Variants in FBXO8 observed in about 807,000 individuals in gnomAD.
The protein encoded by FBXO8 is F-box protein 8.
FBXO8 carries 15 observed loss-of-function variants against 33.4 expected under a neutral mutation model. The ratio of observed to expected loss-of-function variants is 0.45; its 90% CI spans 0.30 to 0.69. The LOEUF is 0.69. Ranked by LOEUF, FBXO8 falls within the 30% of genes least tolerant of loss-of-function variation. The pLI is 0.08. For missense variants in FBXO8, 274 were observed against 380.3 expected (o/e 0.72, Z 2.32); for synonymous variants, 132 against 131.5 (o/e 1.00, Z -0.02).
At position 174,261,919 on chromosome 4, in the gene FBXO8, G is replaced by T. The variant is rs998754595; in HGVS notation, c.329+845C>A. 6.6e-6 allele frequency among the ~76,000 whole-genome samples: 1 copy of T among 152,072 alleles called. No homozygotes were observed. Among genetic ancestry groups the T allele is most frequent in the Admixed American group, 6.5e-5 (1 of 15,280 alleles). On this transcript the variant is annotated intron_variant, in intron 2 of 5. Coordinates refer to ENST00000393674, the MANE Select transcript of FBXO8 (RefSeq NM_012180.3). The surrounding 1 kb of genome is among the most constrained non-coding windows in gnomAD (Gnocchi z 4.1). ...ATAAAGACCTATTTCAAGATAATAA[G>T]ACAAATAAACTTTGGTAAAGGATGC...
Position 174,237,202 on chromosome 4 carries a change from T to C in FBXO8, c.*210A>G. ...TGGCTCTGCTTTGTGCAAAACGTGA[T>C]AAACAAAATTAGGAAAAATTCTGCA... is the stretch of plus-strand genomic sequence containing the variant. On this transcript the variant is annotated 3_prime_UTR_variant, in exon 6 of 6. Transcript: ENST00000393674. The surrounding 1 kb of genome is among the most constrained non-coding windows in gnomAD (Gnocchi z 4.4). 1 of 473,306 alleles carries C rather than the reference T, an allele frequency of 2.1e-6. No individual in the cohort carries two copies. The highest frequency in any genetic ancestry group is 3.8e-6 in the Non-Finnish European group (1 of 265,386). The allele number at this position is 473,306 out of a possible 1,614,324, so 29.3% of individuals were successfully genotyped here.
At chr4:174,238,972 C>T in intron 5 of FBXO8, 22 bp downstream of exon 5, 1 of 1,403,328 alleles carries the variant, frequency 7.1e-7, no homozygotes. Flanking sequence ...GGGTGATGTA[C>T]TATTAATATA....
intron 1 of FBXO8, among the ~76,000 whole-genome samples, chr4:174,268,666 G>T (rs113180530): frequency 6.6e-6 from 1 of 152,148 alleles, no homozygotes; most frequent in Non-Finnish European, 1.5e-5. Flanking sequence ...TCCATCTCCT[G>T]ACCTCGTGAT....
chr4:174,276,019 AAAC>A (rs573633340), intron 1 of FBXO8, among the ~76,000 whole-genome samples: 25 of 152,332 alleles, frequency 1.6e-4, no homozygotes, highest in African/African-American at 5.3e-4. Flanking sequence ...ACTTATTTAA[AAAC>A]AAAGTAATAA....
chr4:174,239,215 C>T, intron 4 of FBXO8, 25 bp from the exon 5 acceptor site: 1 of 1,434,776 alleles, frequency 7.0e-7, no homozygotes. Context: ...AAAGGCACAG[C>T]TTTGGTTAAC....
At chr4:174,242,864 A>G (rs1736071359) in intron 3 of FBXO8, among the ~76,000 whole-genome samples, 1 of 151,570 alleles carries the variant, frequency 6.6e-6, no homozygotes, top group Admixed American at 6.6e-5. Context: ...AAGGATAACA[A>G]TATTTTAGAA....
At chr4:174,280,139 T>G (rs1420022101) in intron 1 of FBXO8, among the ~76,000 whole-genome samples, 1 of 151,954 alleles carries the variant, frequency 6.6e-6, no homozygotes, top group South Asian at 2.1e-4. Flanking sequence ...CTCCTTTAAC[T>G]CAACAATAAC....
intron 5 of FBXO8, among the ~76,000 whole-genome samples, chr4:174,238,694 T>C (rs1020664926): frequency 6.7e-6 from 1 of 149,146 alleles, no homozygotes. Flanking sequence ...TTGTAATATA[T>C]ATATTTATAT....
At chr4:174,279,463 C>T (rs959266592) in intron 1 of FBXO8, among the ~76,000 whole-genome samples, 1 of 151,944 alleles carries the variant, frequency 6.6e-6, no homozygotes, top group African/African-American at 2.4e-5. Flanking sequence ...GTAGCTCCTG[C>T]CAAAATTATA....
Position 174,251,620 on chromosome 4 carries a change from T to C in FBXO8, c.456+8079A>G, listed in dbSNP as rs1736286412. ...ATACATACACACATACACACATGCA[T>C]ATCCACACATACCATATTACTCTCA... On this transcript the variant is annotated intron_variant, in intron 3 of 5. Coordinates refer to ENST00000393674, the MANE Select transcript of FBXO8 (RefSeq NM_012180.3). This position sits in a 1 kb window ranked among gnomAD's most constrained non-coding sequence, Gnocchi z 4.2. 6.6e-6 allele frequency among the ~76,000 whole-genome samples: 1 copy of C among 152,116 alleles called. No homozygotes were observed. Among genetic ancestry groups the C allele is most frequent in the East Asian group, 1.9e-4 (1 of 5,186 alleles).
intron 4 of FBXO8, 37 bp from the exon 5 acceptor site, chr4:174,239,227 T>C (rs1369316694): frequency 7.2e-7 from 1 of 1,386,472 alleles, no homozygotes; most frequent in African/African-American, 1.5e-5. Context: ...TTGGTTAACT[T>C]TTCTTCATTA....
chr4:174,246,193 G>A (rs887530395), intron 3 of FBXO8, among the ~76,000 whole-genome samples: 2 of 151,898 alleles, frequency 1.3e-5, no homozygotes, highest in African/African-American at 2.4e-5. Context: ...GCAGTATGAT[G>A]GAAAGAGCAC....
rs1303806990 is a variant in FBXO8 at position 174,237,006 on chromosome 4, C to T, written c.*406G>A. The T allele has an allele frequency of 6.5e-6, 1 of 153,254 alleles. No homozygotes were observed. Among genetic ancestry groups the T allele is most frequent in the African/African-American group, 2.4e-5 (1 of 41,432 alleles). 9.5% of individuals were successfully genotyped at this position (153,254 alleles called of 1,614,324 possible). On this transcript the variant is annotated 3_prime_UTR_variant, in exon 6 of 6. Coordinates refer to ENST00000393674, the MANE Select transcript of FBXO8 (RefSeq NM_012180.3). This position sits in a 1 kb window ranked among gnomAD's most constrained non-coding sequence, Gnocchi z 4.4. ...GGAAAAACTTTAGTTAAAATCTTTA[C>T]AATAAAATAATTATGACTATAAATC...
Position 174,256,497 on chromosome 4 carries a change from T to TA in FBXO8, c.456+3201dup, listed in dbSNP as rs1444131975. ...AAGTATGACTCATACAGATAAGTGC[T>TA]ATATAAGAACATTTATTAGGATGGA... On this transcript the variant is annotated intron_variant, in intron 3 of 5. Transcript: ENST00000393674. The surrounding 1 kb of genome is among the most constrained non-coding windows in gnomAD (Gnocchi z 4.6). Among the ~76,000 whole-genome samples, 1 of 152,164 alleles carries TA rather than the reference T, an allele frequency of 6.6e-6. No homozygotes were observed. The highest frequency in any genetic ancestry group is 1.5e-5 in the Non-Finnish European group (1 of 68,016).
chr4:174,267,779 T>C lies in FBXO8; in HGVS notation c.-8-4679A>G, dbSNP rs1736726972. Among the ~76,000 whole-genome samples, 2 of 152,190 alleles carry C rather than the reference T, an allele frequency of 1.3e-5. No individual in the cohort carries two copies. The highest frequency in any genetic ancestry group is 4.8e-5 in the African/African-American group (2 of 41,448). On this transcript the variant is annotated intron_variant, in intron 1 of 5. Coordinates refer to ENST00000393674, the MANE Select transcript of FBXO8 (RefSeq NM_012180.3). The surrounding 1 kb of genome is among the most constrained non-coding windows in gnomAD (Gnocchi z 4.7). Reference sequence around the variant, plus strand: ...AAGATTTTAAAACTGAAACATAATATTATAAAAGATATATTACTGTCCTGT... The same window carrying C: ...AAGATTTTAAAACTGAAACATAATACTATAAAAGATATATTACTGTCCTGT...
chr4:174,249,601 TAA>T (rs763847107), intron 3 of FBXO8, among the ~76,000 whole-genome samples: 14 of 151,866 alleles, frequency 9.2e-5, no homozygotes, highest in Non-Finnish European at 1.9e-4. Flanking sequence ...ACAACATTTT[TAA>T]AAAAAGTCTA....
intron 4 of FBXO8, among the ~76,000 whole-genome samples, chr4:174,240,046 G>A (rs773645695): frequency 6.8e-6 from 1 of 148,126 alleles, no homozygotes; most frequent in Non-Finnish European, 1.5e-5. Flanking sequence ...ACTACTTTAT[G>A]TATTGTCTAT....
At position 174,256,099 on chromosome 4, in the gene FBXO8, T is replaced by C. The variant is rs1302587763; in HGVS notation, c.456+3600A>G. 2.2e-6 allele frequency: 1 copy of C among 456,134 alleles called. No individual in the cohort carries two copies. Among genetic ancestry groups the C allele is most frequent in the African/African-American group, 2.0e-5 (1 of 50,194 alleles). The allele number at this position is 456,134 out of a possible 1,614,324, so 28.3% of individuals were successfully genotyped here. ...AGCTGCTGTGGAGCTTGGTTACCCA[T>C]ATCCGTGACATGAACGGTGTCCTTT... On this transcript the variant is annotated intron_variant, in intron 3 of 5. Transcript: ENST00000393674. The surrounding 1 kb of genome is among the most constrained non-coding windows in gnomAD (Gnocchi z 4.6).
chr4:174,256,108 C>A lies in FBXO8; in HGVS notation c.456+3591G>T, dbSNP rs1454819031. ...GGAGCTTGGTTACCCATATCCGTGA[C>A]ATGAACGGTGTCCTTTGGAGAATCT... On this transcript the variant is annotated intron_variant, in intron 3 of 5. Transcript: ENST00000393674. This position sits in a 1 kb window ranked among gnomAD's most constrained non-coding sequence, Gnocchi z 4.6. 1 of 456,122 alleles carries A rather than the reference C, an allele frequency of 2.2e-6. No individual in the cohort carries two copies. Among genetic ancestry groups the A allele is most frequent in the Non-Finnish European group, 4.4e-6 (1 of 226,886 alleles). The allele number at this position is 456,122 out of a possible 1,614,324, so 28.3% of individuals were successfully genotyped here.
Sources: gnomAD v4.1 joint callset for allele counts (sites outside exome capture counted in the v4.1 genomes callset) on GRCh38, gnomAD v4.1.1 for gene constraint, Gnocchi (gnomAD v3.1) non-coding constraint, MANE v1.5 for transcripts, NCBI Gene and HGNC (gene_info 2026-07-23, HGNC 2026-07-21) for gene names.